Variants in ZBTB41 observed in about 807,000 individuals in gnomAD.
ZBTB41 encodes zinc finger and BTB domain containing 41, also known as zinc finger and BTB domain-containing protein 41.
In ZBTB41, 42 loss-of-function variants were observed where a neutral mutation model predicts 87.6. That is an observed-to-expected ratio of 0.48 (90% CI 0.37 to 0.62). The LOEUF (loss-of-function observed/expected upper bound fraction) is 0.62. Among genes scored for constraint, ZBTB41 ranks in the 20% least tolerant of loss-of-function variants. ZBTB41 has a pLI of 0.00. For synonymous variants in ZBTB41, 364 were observed against 364.0 expected, an observed-to-expected ratio of 1.00 and a Z score of 0.00; for missense variants, 799 against 1,078.9, an observed-to-expected ratio of 0.74 and a Z score of 3.63.
rs1210644031 is a variant in ZBTB41, at chr1:197,158,153, G to GTAATCACTGAGGTTT, written c.*1191_*1205dup. 1 of 152,202 alleles carries GTAATCACTGAGGTTT rather than the reference G, an allele frequency of 6.6e-6. No homozygotes were observed. Among genetic ancestry groups the GTAATCACTGAGGTTT allele is most frequent in the Non-Finnish European group, 1.5e-5 (1 of 67,840 alleles). 9.4% of individuals were successfully genotyped at this position (152,202 alleles called of 1,614,324 possible). A position where few individuals can be genotyped will look rare whatever the true frequency, so the allele number is the denominator to read the frequency against. On this transcript the variant is annotated 3_prime_UTR_variant, in exon 11 of 11. Coordinates refer to ENST00000367405, the MANE Select transcript of ZBTB41 (RefSeq NM_194314.3). Reference sequence around the variant, plus strand: ...TATAATTTTGACTTTTTCCTCAATTGTAATCACTGAGGTTTTGCTGTAACT... The same window carrying GTAATCACTGAGGTTT: ...TATAATTTTGACTTTTTCCTCAATTGTAATCACTGAGGTTTTAATCACTGAGGTTTTGCTGTAACT...
At chr1:197,185,383 T>C (rs886992172) in intron 5 of ZBTB41, among the ~76,000 whole-genome samples, 2 of 152,138 alleles carry the variant, frequency 1.3e-5, no homozygotes, top group African/African-American at 4.8e-5. Flanking sequence ...TATACCACCA[T>C]CTAGACCACA....
intron 10 of ZBTB41, among the ~76,000 whole-genome samples, chr1:197,170,849 G>A (rs1365884654): frequency 6.6e-6 from 1 of 152,100 alleles, no homozygotes; most frequent in African/African-American, 2.4e-5. Context: ...CCCTCAACAA[G>A]TATTTGCTGA....
intron 10 of ZBTB41, among the ~76,000 whole-genome samples, chr1:197,168,753 C>T (rs1394787343): frequency 6.6e-6 from 1 of 152,006 alleles, no homozygotes; most frequent in Non-Finnish European, 1.5e-5. Flanking sequence ...AAAAATGGTA[C>T]ATGACGTCTT....
chr1:197,172,326 T>C (rs1482406856), intron 9 of ZBTB41, 78 bp from the exon 10 acceptor site: 2 of 369,322 alleles, frequency 5.4e-6, no homozygotes, highest in Non-Finnish European at 8.9e-6. Context: ...AATAATTATA[T>C]TAATAACTAA....
chr1:197,176,498 T>TC, intron 8 of ZBTB41, 66 bp downstream of exon 8: 1 of 1,093,718 alleles, frequency 9.1e-7, no homozygotes, highest in Non-Finnish European at 1.4e-6. Context: ...AAACATAACA[T>TC]CATATTATGT....
intron 2 of ZBTB41, among the ~76,000 whole-genome samples, chr1:197,196,693 CAA>C (rs750516607): frequency 2.0e-5 from 3 of 152,174 alleles, no homozygotes; most frequent in Non-Finnish European, 2.9e-5. Flanking sequence ...GTAGAACATA[CAA>C]GACATACAAA....
Position 197,201,246 on chromosome 1 carries a change from G to A in ZBTB41, c.-141C>T, listed in dbSNP as rs1036875922. Among the ~76,000 whole-genome samples the A allele has an allele frequency of 6.6e-6, 1 of 152,212 alleles. No homozygotes were observed. Among genetic ancestry groups the A allele is most frequent in the Admixed American group, 6.5e-5 (1 of 15,288 alleles). ...ACCGGGAACCCAAGGCTCCCCCGCT[G>A]GCTCCCAGCAGCTGAGCTCCACTCT... On this transcript the variant is annotated 5_prime_UTR_variant, in exon 1 of 11. Transcript: ENST00000367405.
chr1:197,187,517 T>C (rs146520732), intron 5 of ZBTB41, among the ~76,000 whole-genome samples: 1 of 152,328 alleles, frequency 6.6e-6, no homozygotes, highest in Non-Finnish European at 1.5e-5. Context: ...TTAATACTAA[T>C]ACAATGGAAA....
rs927617953 is a variant in ZBTB41, at chr1:197,172,118, T to C, written c.2074+42A>G. 7.7e-6 allele frequency: 6 copies of C among 778,262 alleles called. No individual in the cohort carries two copies. The African/African-American group carries it at 1.1e-4, about 14-fold the overall frequency. The allele number at this position is 778,262 out of a possible 1,614,324, so 48.2% of individuals were successfully genotyped here. On this transcript the variant is annotated intron_variant, in intron 10 of 10. Coordinates refer to ENST00000367405, the MANE Select transcript of ZBTB41 (RefSeq NM_194314.3). ...CTTCTGATTACACTATATATATCTC[T>C]CTCTATATATATATATCTATGAACC...
chr1:197,183,557 A>G (rs1265338054), intron 5 of ZBTB41, among the ~76,000 whole-genome samples: 5 of 152,184 alleles, frequency 3.3e-5, no homozygotes, highest in Non-Finnish European at 7.3e-5. Context: ...CAGTTGTAAA[A>G]TATTTGTGGG....
In ZBTB41 at chr1:197,159,591, G is replaced by A. The variant is rs1271393318; in HGVS notation, c.2498C>T (p.Pro833Leu). 2 of 1,613,940 alleles carry A rather than the reference G, an allele frequency of 1.2e-6. No homozygotes were observed. The highest frequency in any genetic ancestry group is 8.5e-7 in the Non-Finnish European group (1 of 1,179,872). ...TGGTGACAGAATCTCATGAGAAGAT[G>A]GTGGGAGTGTGGTAGTATGACGCAC... ...DLVRHTTTLP[P>L]SSHEILSPQP... The change falls in exon 11 of 11, where the codon CCA becomes CTA. Residue 833 changes from proline to leucine, a missense_variant. Physicochemically the swap from Pro to Leu is moderately conservative, Grantham distance 98. Around this residue, in one of 5 missense-constraint regions of ZBTB41, gnomAD observed 171 missense variants for 191.9 expected, o/e 0.89. Transcript: ENST00000367405.
rs11313660 is a variant in ZBTB41, at chr1:197,157,911, CA to C, written c.*1447del. On this transcript the variant is annotated 3_prime_UTR_variant, in exon 11 of 11. Transcript: ENST00000367405. ...GGCTAGACTTTACAGTTTACACACA[CA>C]AAAAAAGTGCTTAAAGCAATTAGGA... The C allele has an allele frequency of 0.86, 130,283 of 151,928 alleles. 56,420 individuals are homozygous for C. Among genetic ancestry groups the C allele is most frequent in the East Asian group, 1 (5,149 of 5,154 alleles). The allele number at this position is 151,928 out of a possible 1,614,324, so 9.4% of individuals were successfully genotyped here.
chr1:197,180,346 A>C (rs1018814420), intron 6 of ZBTB41, among the ~76,000 whole-genome samples: 1 of 152,112 alleles, frequency 6.6e-6, no homozygotes, highest in Non-Finnish European at 1.5e-5. Context: ...TGATGACAAA[A>C]CTGCTTAACA....
rs750410841 is a variant in ZBTB41, at chr1:197,199,829, A to G, written c.645T>C (p.His215=). The G allele has an allele frequency of 5.0e-6, 8 of 1,610,582 alleles. No individual in the cohort carries two copies. The part of the protein sequence containing the change: ...NNHQCKFCSR[H]FCYKKSLENH... ...TCTCTAAAGACTTTTTATAACAAAA[A>G]TGTCTACTACAGAATTTGCACTGAT... The change falls in exon 2 of 11, where the codon CAT becomes CAC. Residue 215 remains histidine (H), a synonymous_variant. Transcript: ENST00000367405.
At position 197,158,405 on chromosome 1, in the gene ZBTB41, G is replaced by C. The variant is rs1395203090; in HGVS notation, c.*954C>G. On this transcript the variant is annotated 3_prime_UTR_variant, in exon 11 of 11. Transcript: ENST00000367405. ...CTAACAATTGAACACAAAATATCTA[G>C]GTTCTGTTTCCCAGAGTTTCTATCA... The C allele has an allele frequency of 6.6e-6, 1 of 152,336 alleles. No individual in the cohort carries two copies. The highest frequency in any genetic ancestry group is 1.5e-5 in the Non-Finnish European group (1 of 67,852). The allele number at this position is 152,336 out of a possible 1,614,324, so 9.4% of individuals were successfully genotyped here. A position where few individuals can be genotyped will look rare whatever the true frequency, so the allele number is the denominator to read the frequency against.
chr1:197,198,028 T>C (rs1483089173), intron 2 of ZBTB41, among the ~76,000 whole-genome samples: 1 of 152,242 alleles, frequency 6.6e-6, no homozygotes, highest in African/African-American at 2.4e-5. Context: ...CTAAGAAGTC[T>C]ATTGGAAAGA....
At chr1:197,173,547 G>T (rs2125128498) in intron 9 of ZBTB41, among the ~76,000 whole-genome samples, 1 of 152,092 alleles carries the variant, frequency 6.6e-6, no homozygotes, top group Non-Finnish European at 1.5e-5. Flanking sequence ...TGAGACTACA[G>T]GTACATGCCA....
Position 197,157,057 on chromosome 1 carries a change from ACTC to A in ZBTB41, c.*2299_*2301del, listed in dbSNP as rs1169367119. 6.6e-6 allele frequency: 1 copy of A among 152,196 alleles called. No homozygotes were observed. Among genetic ancestry groups the A allele is most frequent in the Non-Finnish European group, 1.5e-5 (1 of 67,750 alleles). The allele number at this position is 152,196 out of a possible 1,614,324, so 9.4% of individuals were successfully genotyped here. A position where few individuals can be genotyped will look rare whatever the true frequency, so the allele number is the denominator to read the frequency against. On this transcript the variant is annotated 3_prime_UTR_variant, in exon 11 of 11. Transcript: ENST00000367405. ...GCATTTTATAAAACAGTAAATCACT[ACTC>A]AAGTTTAAGTTATCTACAATAGTAA...
At chr1:197,195,716 C>T (rs1463932417) in intron 2 of ZBTB41, among the ~76,000 whole-genome samples, 1 of 152,098 alleles carries the variant, frequency 6.6e-6, no homozygotes, top group Non-Finnish European at 1.5e-5. Flanking sequence ...AATTTTCTCT[C>T]TCACCCCATC....
Sources: gnomAD v4.1 joint callset for allele counts (sites outside exome capture counted in the v4.1 genomes callset) on GRCh38, gnomAD v4.1.1 for gene constraint, gnomAD v4.1.1 regional missense constraint, MANE v1.5 for transcripts, NCBI Gene and HGNC (gene_info 2026-07-23, HGNC 2026-07-21) for gene names.